Variants in OPRM1 observed in about 807,000 individuals in gnomAD.
OPRM1 encodes the protein mu-type opioid receptor.
In OPRM1, 27 loss-of-function variants were observed where a neutral mutation model predicts 31.8. The ratio of observed to expected loss-of-function variants is 0.85; its 90% CI spans 0.63 to 1.17. The LOEUF is 1.17. Ranked by LOEUF, OPRM1 falls within the 50% of genes most tolerant of loss-of-function variation. The probability of loss-of-function intolerance (pLI) is 0.00; values close to 1 mark genes in which losing one functional copy is unlikely to be tolerated. For synonymous variants in OPRM1, 196 were observed against 189.9 expected (o/e 1.03, Z -0.26); for missense variants, 536 against 511.1 (o/e 1.05, Z -0.47).
At position 154,092,024 on chromosome 6, in the gene OPRM1, A is replaced by T. The variant is rs929807004; in HGVS notation, c.1164+552A>T. On this transcript the variant is annotated intron_variant, in intron 3 of 3. Coordinates refer to ENST00000330432, the MANE Select transcript of OPRM1 (RefSeq NM_000914.5). ...TCTTAAGCTATTGGTTTGCTACCTG[A>T]ACTCTAGCACAAATATCAAACATAT... 17 of 569,650 alleles carry T rather than the reference A, an allele frequency of 3.0e-5. No individual in the cohort carries two copies. The African/African-American group carries it at 3.0e-4, about 10-fold the overall frequency. The allele number at this position is 569,650 out of a possible 1,614,324, so 35.3% of individuals were successfully genotyped here.
At chr6:154,099,306 A>AG (rs769954858) in intron 3 of OPRM1, among the ~76,000 whole-genome samples, 31,977 of 74,470 alleles carry the variant, frequency 0.43, 5,254 homozygotes, top group Non-Finnish European at 0.46. Context: ...GAAGGAAGGA[A>AG]GAAAGGAAGG....
Position 154,119,498 on chromosome 6 carries a change from G to A in OPRM1, c.*777G>A. ...GCAATTTTCTTGCTCCTATTTAAGTGTTCACAAAAGGTAATAGTCAATGAG... is the reference window on the plus strand; with the variant it reads ...GCAATTTTCTTGCTCCTATTTAAGTATTCACAAAAGGTAATAGTCAATGAG... On this transcript the variant is annotated 3_prime_UTR_variant, in exon 4 of 4. Transcript: ENST00000330432. 2.1e-6 allele frequency: 2 copies of A among 940,228 alleles called. No homozygotes were observed. Among genetic ancestry groups the A allele is most frequent in the Non-Finnish European group, 2.5e-6 (2 of 788,908 alleles). The allele number at this position is 940,228 out of a possible 1,614,324, so 58.2% of individuals were successfully genotyped here. A position where few individuals can be genotyped will look rare whatever the true frequency, so the allele number is the denominator to read the frequency against.
At chr6:154,226,395 A>T (rs1375671954) in intron 3 of OPRM1, among the ~76,000 whole-genome samples, 1 of 152,142 alleles carries the variant, frequency 6.6e-6, no homozygotes, top group African/African-American at 2.4e-5. Context: ...TAAAATGCCC[A>T]CTTCTTTCTC....
At chr6:154,232,789 T>C (rs1055755903) in intron 3 of OPRM1, among the ~76,000 whole-genome samples, 1 of 152,118 alleles carries the variant, frequency 6.6e-6, no homozygotes, top group African/African-American at 2.4e-5. Context: ...TATAACCAGC[T>C]TCTCCAGACT....
At chr6:154,150,166 C>T (rs1456646497) in intron 3 of OPRM1, among the ~76,000 whole-genome samples, 1 of 152,240 alleles carries the variant, frequency 6.6e-6, no homozygotes, top group East Asian at 1.9e-4. Context: ...ACACCATTTT[C>T]CAGGCTTTCA....
intron 1 of OPRM1, among the ~76,000 whole-genome samples, chr6:154,088,020 C>T (rs1371695718): frequency 6.6e-6 from 1 of 151,632 alleles, no homozygotes; most frequent in African/African-American, 2.4e-5. Context: ...CATGAATGTT[C>T]GTAACAGTTC....
Position 154,120,045 on chromosome 6 carries a change from C to A in OPRM1, c.*1324C>A, listed in dbSNP as rs1164871640. Reference sequence around the variant, plus strand: ...CATTTTACTTGATCTAGGTAGACAGCCAAGTCAGATGGCCCATGCCTAGAA... The same window carrying A: ...CATTTTACTTGATCTAGGTAGACAGACAAGTCAGATGGCCCATGCCTAGAA... On this transcript the variant is annotated 3_prime_UTR_variant, in exon 4 of 4. Coordinates refer to ENST00000330432, the MANE Select transcript of OPRM1 (RefSeq NM_000914.5). Among the ~76,000 whole-genome samples the A allele has an allele frequency of 1.3e-5, 2 of 152,128 alleles. No individual in the cohort carries two copies. Among genetic ancestry groups the A allele is most frequent in the Non-Finnish European group, 2.9e-5 (2 of 67,994 alleles).
intron 1 of OPRM1, among the ~76,000 whole-genome samples, chr6:154,042,958 G>A (rs757148389): frequency 1.3e-4 from 20 of 152,148 alleles, no homozygotes; most frequent in Admixed American, 2.0e-4. Flanking sequence ...AAAAGTAACA[G>A]CCACCAGAGA....
At chr6:154,093,448 C>A (rs1477234761) in intron 3 of OPRM1, 2 of 1,613,902 alleles carry the variant, frequency 1.2e-6, no homozygotes, top group Admixed American at 1.7e-5. Context: ...CTGAGTTAAG[C>A]ATGATTATTC....
intron 3 of OPRM1, among the ~76,000 whole-genome samples, chr6:154,192,664 AG>A (rs201908136): frequency 0.012 from 1,718 of 144,994 alleles, 26 homozygotes; most frequent in African/African-American, 0.042. Context: ...CAAATTAGGA[AG>A]AAAAAAAAAT....
At chr6:154,176,300 A>G (rs562708639) in intron 3 of OPRM1, among the ~76,000 whole-genome samples, 2 of 152,358 alleles carry the variant, frequency 1.3e-5, no homozygotes, top group East Asian at 3.9e-4. Flanking sequence ...CCCATTCAAC[A>G]TAGTAATGGA....
At position 154,091,358 on chromosome 6, in the gene OPRM1, A is replaced by G. The variant is rs755338736; in HGVS notation, c.1050A>G (p.Arg350=). The G allele has an allele frequency of 1.2e-6, 2 of 1,614,232 alleles. No homozygotes were observed. The highest frequency in any genetic ancestry group is 1.7e-6 in the Non-Finnish European group (2 of 1,180,052). ...FLDENFKRCF[R]EFCIPTSSNI... is the part of the protein sequence containing the mutation. The stretch of plus-strand genomic sequence containing the variant: ...ATGAAAACTTCAAACGATGCTTCAG[A>G]GAGTTCTGTATCCCAACCTCTTCCA... Residue 350 remains arginine, a synonymous_variant, in exon 3 of 4, where the codon AGA becomes AGG. Coordinates refer to ENST00000330432, the MANE Select transcript of OPRM1 (RefSeq NM_000914.5).
chr6:154,185,232 A>C (rs1377676485), intron 3 of OPRM1, among the ~76,000 whole-genome samples: 1 of 152,212 alleles, frequency 6.6e-6, no homozygotes. Flanking sequence ...GGTCCTGCCA[A>C]GGAGGAGGGT....
intron 1 of OPRM1, among the ~76,000 whole-genome samples, chr6:154,040,602 C>T (rs1266777741): frequency 2.0e-5 from 3 of 152,274 alleles, no homozygotes; most frequent in South Asian, 2.1e-4. Context: ...TCAGGAGAAC[C>T]GCAGGACATG....
chr6:154,038,935 G>T (rs1174240039), upstream of OPRM1, among the ~76,000 whole-genome samples: 1 of 152,178 alleles, frequency 6.6e-6, no homozygotes, highest in Non-Finnish European at 1.5e-5. Context: ...AAAGAAAATT[G>T]TGTGTCCCCC....
intron 3 of OPRM1, among the ~76,000 whole-genome samples, chr6:154,177,352 A>C (rs993795491): frequency 6.6e-6 from 1 of 152,228 alleles, no homozygotes; most frequent in African/African-American, 2.4e-5. Context: ...TGAACAGGCA[A>C]CCTACAGAAT....
intron 3 of OPRM1, among the ~76,000 whole-genome samples, chr6:154,197,144 G>A (rs767532660): frequency 3.3e-5 from 5 of 152,068 alleles, no homozygotes; most frequent in Non-Finnish European, 7.4e-5. Context: ...TTCTATCCCT[G>A]ATATAAAAAC....
At chr6:154,153,530 G>A (rs1273568409) in intron 3 of OPRM1, among the ~76,000 whole-genome samples, 1 of 152,006 alleles carries the variant, frequency 6.6e-6, no homozygotes, top group Non-Finnish European at 1.5e-5. Context: ...CTGAAAATAC[G>A]AAAAATTAGC....
At chr6:154,098,812 G>A (rs1281655987) in intron 3 of OPRM1, among the ~76,000 whole-genome samples, 1 of 152,164 alleles carries the variant, frequency 6.6e-6, no homozygotes, top group Non-Finnish European at 1.5e-5. Flanking sequence ...GTGGGGTGTA[G>A]AACAAAATTT....
Sources: gnomAD v4.1 joint callset for allele counts (sites outside exome capture counted in the v4.1 genomes callset) on GRCh38, gnomAD v4.1.1 for gene constraint, MANE v1.5 for transcripts, NCBI Gene and HGNC (gene_info 2026-07-23, HGNC 2026-07-21) for gene names.